PCM1: variants seen among roughly 807,000 people sequenced by gnomAD.
PCM1 encodes the protein pericentriolar material 1 protein.
In PCM1, 157 loss-of-function variants were observed where a neutral mutation model predicts 241.9. That is an observed-to-expected ratio of 0.65 (90% CI 0.57 to 0.74). The LOEUF (loss-of-function observed/expected upper bound fraction) is 0.74. Among genes scored for constraint, PCM1 ranks in the 30% least tolerant of loss-of-function variants. The pLI, the probability that PCM1 is intolerant of heterozygous loss-of-function variation, is 0.00. For synonymous variants in PCM1, 1,085 were observed against 784.9 expected (o/e 1.38, Z -6.39); for missense variants, 3,478 against 2,360.1 (o/e 1.47, Z -9.81).
At chr8:17,961,196 G>C (rs1010644074) in intron 15 of PCM1, among the ~76,000 whole-genome samples, 3 of 150,914 alleles carry the variant, frequency 2.0e-5, no homozygotes, top group Non-Finnish European at 4.4e-5. Flanking sequence ...CATGGGTCTT[G>C]AGATTGAACA....
intron 21 of PCM1, among the ~76,000 whole-genome samples, chr8:17,968,785 A>G (rs2075900103): frequency 7.0e-6 from 1 of 142,842 alleles, no homozygotes; most frequent in African/African-American, 2.8e-5. Context: ...TATACACACC[A>G]CAGTGTTTTT....
intron 26 of PCM1, among the ~76,000 whole-genome samples, chr8:17,989,355 C>T (rs2083697018): frequency 6.6e-6 from 1 of 151,910 alleles, no homozygotes; most frequent in Non-Finnish European, 1.5e-5. Context: ...AATCTGGTTA[C>T]ATGAGTGTAT....
chr8:18,014,580 A>C lies in PCM1; in HGVS notation c.5585-4A>C. Reference sequence around the variant, plus strand: ...CTAATGTTAAGACTTTCTTTTGATGACAGATGACCAAAATAACTGTCCTGT... The same window carrying C: ...CTAATGTTAAGACTTTCTTTTGATGCCAGATGACCAAAATAACTGTCCTGT... On this transcript the variant is annotated splice_polypyrimidine_tract_variant and splice_region_variant and intron_variant, in intron 35 of 38. Coordinates refer to ENST00000325083, the MANE Select transcript of PCM1 (RefSeq NM_006197.4). 1 of 1,591,454 alleles carries C rather than the reference A, an allele frequency of 6.3e-7. No individual in the cohort carries two copies. The highest frequency in any genetic ancestry group is 1.1e-5 in the South Asian group (1 of 87,152).
At chr8:18,011,589 G>T in intron 33 of PCM1, 78 bp from the exon 34 acceptor site, 1 of 1,313,604 alleles carries the variant, frequency 7.6e-7, no homozygotes, top group Non-Finnish European at 1.0e-6. Context: ...TCTGTGCCAT[G>T]CAGGAATGCA....
intron 17 of PCM1, 29 bp downstream of exon 17, chr8:17,963,320 A>G: frequency 6.5e-7 from 1 of 1,531,520 alleles, no homozygotes; most frequent in Non-Finnish European, 8.8e-7. Context: ...TCACTTTTCT[A>G]AAAATGTCAC....
chr8:18,003,781 T>C (rs1474779134), intron 29 of PCM1, among the ~76,000 whole-genome samples: 2 of 152,130 alleles, frequency 1.3e-5, no homozygotes, highest in African/African-American at 4.8e-5. Flanking sequence ...TTACCTTCCA[T>C]AAAAGAATAT....
At chr8:17,961,348 T>C (rs1172780372) in intron 15 of PCM1, among the ~76,000 whole-genome samples, 4 of 135,394 alleles carry the variant, frequency 3.0e-5, no homozygotes, top group African/African-American at 1.1e-4. Flanking sequence ...TCTCGCTCTG[T>C]GGCCCAGGTG....
chr8:18,018,030 C>T (rs1200791215), intron 36 of PCM1, among the ~76,000 whole-genome samples: 2 of 152,344 alleles, frequency 1.3e-5, no homozygotes, highest in South Asian at 4.1e-4. Flanking sequence ...TATCCACTTT[C>T]AACCCCATGC....
At chr8:17,941,631 A>G (rs748549208) in intron 6 of PCM1, among the ~76,000 whole-genome samples, 4 of 152,034 alleles carry the variant, frequency 2.6e-5, no homozygotes, top group Admixed American at 6.6e-5. Flanking sequence ...TTAATATGCT[A>G]CACTATTTAA....
In PCM1 at chr8:17,989,890, C is replaced by T. The variant is rs1196855397; in HGVS notation, c.4442C>T (p.Thr1481Ile). Reference protein sequence around the residue: ...ETFEKNFERETHKISEQNDAD... With the variant: ...ETFEKNFEREIHKISEQNDAD... ...TTTGAGAAGAACTTTGAAAGAGAAA[C>T]CCATAAAATAAGTGAGCAAAATGAT... Residue 1481 changes from threonine (T) to isoleucine (I), a missense_variant, in exon 27 of 39, where the codon ACC becomes ATC. Physicochemically the swap from Thr to Ile is moderately conservative, Grantham distance 89. Coordinates refer to ENST00000325083, the MANE Select transcript of PCM1 (RefSeq NM_006197.4). 1 of 1,544,718 alleles carries T rather than the reference C, an allele frequency of 6.5e-7. No individual in the cohort carries two copies. The highest frequency in any genetic ancestry group is 8.8e-7 in the Non-Finnish European group (1 of 1,142,180).
rs184275951 is a variant in PCM1 at position 17,945,383 on chromosome 8, A to G, written c.784-1803A>G. On this transcript the variant is annotated intron_variant, in intron 6 of 38. Transcript: ENST00000325083. ...AAGACAACAGAAAAACCTCTAATAA[A>G]TATTGGCTTACCAAGATCCAGGTAG... Among the ~76,000 whole-genome samples the G allele has an allele frequency of 2.0e-5, 3 of 152,282 alleles. No homozygotes were observed. In the East Asian group the frequency reaches 5.8e-4, roughly 29 times the overall value.
At chr8:17,935,847 T>G (rs558411916) in intron 3 of PCM1, 141 bp downstream of exon 3, 10 of 480,944 alleles carry the variant, frequency 2.1e-5, no homozygotes, top group African/African-American at 2.0e-4. Context: ...CCGTTTATTA[T>G]ATTAATTGAA....
At chr8:17,943,019 GAATAAA>G (rs1470700270) in intron 6 of PCM1, among the ~76,000 whole-genome samples, 13 of 150,818 alleles carry the variant, frequency 8.6e-5, no homozygotes, top group African/African-American at 3.2e-4. Context: ...AAAAGAGTTT[GAATAAA>G]AATACCATTT....
At chr8:17,987,670 A>G (rs1661621813) in intron 26 of PCM1, among the ~76,000 whole-genome samples, 1 of 151,868 alleles carries the variant, frequency 6.6e-6, no homozygotes, top group South Asian at 2.1e-4. Flanking sequence ...TAAGGTCAAC[A>G]TCTTCCCTTT....
At chr8:18,008,253 G>A (rs2091856299) in intron 30 of PCM1, among the ~76,000 whole-genome samples, 1 of 152,034 alleles carries the variant, frequency 6.6e-6, no homozygotes, top group Admixed American at 6.6e-5. Flanking sequence ...TCTCATAGGA[G>A]TGTGAACCCT....
chr8:17,938,001 T>C (rs1360550564), intron 4 of PCM1, among the ~76,000 whole-genome samples: 1 of 152,166 alleles, frequency 6.6e-6, no homozygotes, highest in Non-Finnish European at 1.5e-5. Context: ...GGCACTGAGC[T>C]GAATACTTTT....
At chr8:18,002,021 T>C in intron 29 of PCM1, among the ~76,000 whole-genome samples, 1 of 76,238 alleles carries the variant, frequency 1.3e-5, no homozygotes, top group Non-Finnish European at 2.2e-5. Flanking sequence ...TTTTTTTTTT[T>C]TTTTTTTTTT....
At chr8:17,976,416 A>G (rs946287183) in intron 23 of PCM1, among the ~76,000 whole-genome samples, 1 of 152,202 alleles carries the variant, frequency 6.6e-6, no homozygotes, top group African/African-American at 2.4e-5. Context: ...TGAGGAAGAA[A>G]GGTCTCATGT....
intron 3 of PCM1, 52 bp from the exon 4 acceptor site, chr8:17,937,082 T>G (rs2060646013): frequency 5.6e-6 from 8 of 1,421,110 alleles, no homozygotes; most frequent in Non-Finnish European, 7.5e-6. Context: ...TACCAATCTA[T>G]TTTCCTGGTT....
Sources: gnomAD v4.1 joint callset for allele counts (sites outside exome capture counted in the v4.1 genomes callset) on GRCh38, gnomAD v4.1.1 for gene constraint, MANE v1.5 for transcripts, NCBI Gene and HGNC (gene_info 2026-07-23, HGNC 2026-07-21) for gene names.